Variants in DMD observed in about 807,000 individuals in gnomAD.
DMD encodes the protein dystrophin.
Under a neutral mutation model 330.1 loss-of-function variants are expected in DMD, and 63 were observed. The observed-to-expected ratio is 0.19, with a 90% CI of 0.16 to 0.24. DMD has a LOEUF of 0.24. DMD is among the 10% of genes least tolerant of loss of function. The pLI, the probability that DMD is intolerant of heterozygous loss-of-function variation, is 1.00. For missense variants in DMD, 3,344 were observed against 2,684.1 expected, an observed-to-expected ratio of 1.25 and a Z score of -5.43; for synonymous variants, 1,223 against 959.8, an observed-to-expected ratio of 1.27 and a Z score of -5.07.
chrX:32,529,078 C>A (rs921970195), intron 17 of DMD, among the ~76,000 whole-genome samples: 3 of 106,698 alleles, frequency 2.8e-5, no homozygotes, highest in African/African-American at 6.8e-5. Flanking sequence ...CCTGCCGCCA[C>A]GTCTGGCTAA....
intron 44 of DMD, among the ~76,000 whole-genome samples, chrX:32,123,015 G>A (rs1250979401): frequency 9.3e-6 from 1 of 107,123 alleles, no homozygotes; most frequent in Non-Finnish European, 1.9e-5. Flanking sequence ...CTTTTGAAAA[G>A]CAGTGAAAGA....
At chrX:32,585,860 A>G (rs2054237669) in intron 13 of DMD, among the ~76,000 whole-genome samples, 1 of 110,043 alleles carries the variant, frequency 9.1e-6, no homozygotes, top group African/African-American at 3.3e-5. Flanking sequence ...TTCAACTCAT[A>G]AATTATAAAG....
At chrX:32,398,097 A>T (rs958473322) in intron 30 of DMD, among the ~76,000 whole-genome samples, 9 of 110,775 alleles carry the variant, frequency 8.1e-5, no homozygotes, top group African/African-American at 2.3e-4. Context: ...AACAAAATAT[A>T]TCAAAAGATT....
intron 9 of DMD, among the ~76,000 whole-genome samples, chrX:32,647,510 C>G (rs1029170133): frequency 9.0e-6 from 1 of 111,342 alleles, no homozygotes; most frequent in African/African-American, 3.3e-5. Context: ...ACCAAGAAAC[C>G]CTATCATATC....
At chrX:33,182,124 A>G (rs766171576) in intron 1 of DMD, among the ~76,000 whole-genome samples, 4 of 112,628 alleles carry the variant, frequency 3.6e-5, no homozygotes, top group South Asian at 7.3e-4. Flanking sequence ...GGAAAAAAAT[A>G]TTACAAAACA....
intron 20 of DMD, among the ~76,000 whole-genome samples, chrX:32,490,177 A>T (rs1415286825): frequency 1.8e-5 from 2 of 111,362 alleles, no homozygotes; most frequent in African/African-American, 6.5e-5. Flanking sequence ...TTTTTACAGT[A>T]TGCAAATGAA....
chrX:31,253,806 G>A (rs1006460070), intron 63 of DMD, among the ~76,000 whole-genome samples: 7 of 111,799 alleles, frequency 6.3e-5, no homozygotes, highest in African/African-American at 2.3e-4. Flanking sequence ...GCAAACCATA[G>A]ACATGAAGCT....
chrX:32,135,865 A>C (rs1801420383), intron 44 of DMD, among the ~76,000 whole-genome samples: 1 of 112,594 alleles, frequency 8.9e-6, no homozygotes, highest in Non-Finnish European at 1.9e-5. Flanking sequence ...TATACACATA[A>C]ACTGCACAAA....
chrX:32,611,367 T>A (rs1235226902), intron 12 of DMD, among the ~76,000 whole-genome samples: 1 of 111,120 alleles, frequency 9.0e-6, no homozygotes, highest in Non-Finnish European at 1.9e-5. Context: ...TGCCTGGAGG[T>A]AAAATGTTAC....
chrX:32,673,831 T>A (rs1569439254), intron 9 of DMD, among the ~76,000 whole-genome samples: 2 of 111,821 alleles, frequency 1.8e-5, no homozygotes. Context: ...TCAAAAGAGG[T>A]TAACATTTGA....
intron 33 of DMD, among the ~76,000 whole-genome samples, chrX:32,382,757 A>G (rs2097933461): frequency 9.1e-6 from 1 of 110,352 alleles, no homozygotes; most frequent in Admixed American, 9.7e-5. Context: ...TGGTAGAAAA[A>G]TGATTCCAGA....
chrX:32,590,931 A>T (rs7056851), intron 13 of DMD, among the ~76,000 whole-genome samples: 27,082 of 111,319 alleles, frequency 0.24, 5,716 homozygotes, highest in African/African-American at 0.7. Flanking sequence ...ATATACATCT[A>T]TCTATCCATC....
chrX:31,182,660 C>G, intron 68 of DMD, 78 bp downstream of exon 68: 1 of 1,004,156 alleles, frequency 1.0e-6, no homozygotes, highest in Non-Finnish European at 1.4e-6. Context: ...GCAACTGGCA[C>G]AGGAGATAAA....
chrX:32,699,419 C>A, intron 7 of DMD, 126 bp from the exon 8 acceptor site: 1 of 571,487 alleles, frequency 1.7e-6, no homozygotes, highest in Non-Finnish European at 2.9e-6. Flanking sequence ...CCATGAATGT[C>A]CTCCAGAGAC....
intron 44 of DMD, among the ~76,000 whole-genome samples, chrX:32,117,991 C>T (rs772442553): frequency 9.0e-6 from 1 of 110,812 alleles, no homozygotes; most frequent in African/African-American, 3.3e-5. Context: ...CTCAAGTTCA[C>T]GTAAGGCTTA....
chrX:31,560,922 T>C (rs1483995082), intron 55 of DMD, among the ~76,000 whole-genome samples: 2 of 112,037 alleles, frequency 1.8e-5, no homozygotes, highest in East Asian at 5.6e-4. Flanking sequence ...CTGTCAACAG[T>C]AGCCTATTAG....
intron 37 of DMD, among the ~76,000 whole-genome samples, chrX:32,352,680 A>G (rs1268800379): frequency 9.0e-6 from 1 of 110,874 alleles, no homozygotes; most frequent in Non-Finnish European, 1.9e-5. Flanking sequence ...TGTTTTGTTT[A>G]TAACTTGTGG....
intron 2 of DMD, among the ~76,000 whole-genome samples, chrX:32,980,322 C>T (rs922031093): frequency 3.2e-5 from 3 of 92,438 alleles, no homozygotes; most frequent in East Asian, 3.5e-4. Context: ...ACCGAGATCG[C>T]GCCACTGCAC....
At chrX:31,417,283 CT>C (rs1372891984) in intron 60 of DMD, among the ~76,000 whole-genome samples, 3 of 110,788 alleles carry the variant, frequency 2.7e-5, no homozygotes, top group Non-Finnish European at 1.9e-5. Flanking sequence ...TTTTTCTTTT[CT>C]TTTTTTCTTT....
Sources: gnomAD v4.1 joint callset for allele counts (sites outside exome capture counted in the v4.1 genomes callset) on GRCh38, gnomAD v4.1.1 for gene constraint, MANE v1.5 for transcripts, NCBI Gene and HGNC (gene_info 2026-07-23, HGNC 2026-07-21) for gene names.